The following IL17RD variants were observed in gnomAD, a reference collection of about 807,000 sequenced individuals.
IL17RD encodes interleukin 17 receptor D.
IL17RD carries 52 observed loss-of-function variants against 80.5 expected under a neutral mutation model. That is an observed-to-expected ratio of 0.65 (90% CI 0.52 to 0.81). The LOEUF is 0.81. IL17RD is among the 40% of genes least tolerant of loss of function. The pLI is 0.00. For missense variants in IL17RD, 1,024 were observed against 955.1 expected (o/e 1.07, Z -0.95); for synonymous variants, 416 against 391.8 (o/e 1.06, Z -0.73).
At chr3:57,154,215 C>T (rs2060251122) in intron 1 of IL17RD, among the ~76,000 whole-genome samples, 1 of 150,656 alleles carries the variant, frequency 6.6e-6, no homozygotes, top group African/African-American at 2.5e-5. Context: ...CATGACTGCA[C>T]TTCGGCCTGA....
At chr3:57,166,052 C>G (rs1028941406), upstream of IL17RD, among the ~76,000 whole-genome samples, 1 of 152,176 alleles carries the variant, frequency 6.6e-6, no homozygotes. Flanking sequence ...AAAAACAATA[C>G]TCTCAGCTAC....
chr3:57,127,211 AAT>A (rs1165463213), intron 1 of IL17RD, among the ~76,000 whole-genome samples: 3 of 111,048 alleles, frequency 2.7e-5, no homozygotes, highest in African/African-American at 4.5e-5. Flanking sequence ...TATATATAAA[AAT>A]ATATATAAAT....
chr3:57,165,454 C>T (rs1456583796), upstream of IL17RD: 26 of 403,278 alleles, frequency 6.4e-5, no homozygotes, highest in South Asian at 1.5e-3. Context: ...CGTGTGCTGG[C>T]CCCGCCCCCA....
intron 1 of IL17RD, among the ~76,000 whole-genome samples, chr3:57,160,712 T>C (rs2060298162): frequency 6.6e-6 from 1 of 152,238 alleles, no homozygotes; most frequent in Non-Finnish European, 1.5e-5. Flanking sequence ...TTTAAATGTT[T>C]AGAATGTGTG....
Position 57,165,261 on chromosome 3 carries a change from G to T in IL17RD, c.26C>A (p.Ser9Tyr). ...GCAGGCGTTGACCGTAAAGAAGACGGAGCAGAGCTGCAGCCACGGGGCCAT... is the reference window on the plus strand; with the variant it reads ...GCAGGCGTTGACCGTAAAGAAGACGTAGCAGAGCTGCAGCCACGGGGCCAT... MAPWLQLC[S>Y]VFFTVNACLN... Residue 9 changes from serine (S) to tyrosine (Y), a missense_variant, in exon 1 of 13, where the codon TCC becomes TAC. Physicochemically the swap from Ser to Tyr is moderately radical, Grantham distance 144. Transcript: ENST00000296318. 6.6e-7 allele frequency: 1 copy of T among 1,518,114 alleles called. No individual in the cohort carries two copies. The highest frequency in any genetic ancestry group is 1.2e-5 in the South Asian group (1 of 80,866). The allele number at this position is 1,518,114 out of a possible 1,614,324, so 94.0% of individuals were successfully genotyped here.
At chr3:57,101,105 G>A in intron 11 of IL17RD, 74 bp downstream of exon 11, 1 of 1,159,350 alleles carries the variant, frequency 8.6e-7, no homozygotes, top group South Asian at 1.4e-5. Context: ...CCAGAAGAGA[G>A]GAGAAGGCAG....
In IL17RD at chr3:57,105,878, G is replaced by C. The variant is rs538329630; in HGVS notation, c.726C>G (p.Phe242Leu). Residue 242 changes from phenylalanine (F) to leucine (L), a missense_variant, in exon 7 of 13, where the codon TTC (phenylalanine) becomes TTG (leucine). Transcript: ENST00000296318. ...LHYKLKHEGP[F>L]KRKTCKQEQT... ...TCACCTGCTTACAGGTCTTTCGCTT[G>C]AAAGGTCCTTCGTGCTTGAGCTTGT... is the stretch of plus-strand genomic sequence containing the variant. The C allele has an allele frequency of 1.4e-5, 22 of 1,613,854 alleles. No homozygotes were observed. In the African/African-American group the frequency reaches 2.7e-4, roughly 20 times the overall value.
rs749272736 is a variant in IL17RD at position 57,105,902 on chromosome 3, G to A, written c.702C>T (p.Tyr234=). 3.1e-6 allele frequency: 5 copies of A among 1,613,912 alleles called. No individual in the cohort carries two copies. The highest frequency in any genetic ancestry group is 3.4e-6 in the Non-Finnish European group (4 of 1,179,874). ...TGAAAGGTCCTTCGTGCTTGAGCTTGTAGTGAAGATAGAAGAAACGGAAGC... is the reference window on the plus strand; with the variant it reads ...TGAAAGGTCCTTCGTGCTTGAGCTTATAGTGAAGATAGAAGAAACGGAAGC... ...NFGFRFFYLH[Y]KLKHEGPFKR... Residue 234 remains tyrosine (Y), a synonymous_variant, in exon 7 of 13, where the codon TAC becomes TAT. Transcript: ENST00000296318.
At chr3:57,162,845 G>T (rs1467033965) in intron 1 of IL17RD, among the ~76,000 whole-genome samples, 1 of 152,182 alleles carries the variant, frequency 6.6e-6, no homozygotes, top group East Asian at 1.9e-4. Flanking sequence ...TACTGACAAA[G>T]CTGTCTGATG....
intron 1 of IL17RD, among the ~76,000 whole-genome samples, chr3:57,138,161 G>C (rs1707763619): frequency 6.6e-6 from 1 of 152,170 alleles, no homozygotes; most frequent in Admixed American, 6.5e-5. Flanking sequence ...AGGTGAAAAA[G>C]TTCTACAGGT....
Position 57,095,627 on chromosome 3 carries a change from C to G in IL17RD, c.*766G>C, listed in dbSNP as rs575131474. The G allele has an allele frequency of 6.6e-6, 1 of 152,348 alleles. No homozygotes were observed. Among genetic ancestry groups the G allele is most frequent in the East Asian group, 1.9e-4 (1 of 5,170 alleles). The allele number at this position is 152,348 out of a possible 1,614,324, so 9.4% of individuals were successfully genotyped here. On this transcript the variant is annotated 3_prime_UTR_variant, in exon 13 of 13. Transcript: ENST00000296318. ...CAGTAAATGTAACCCATGGAAACAGCAGGCAGATCTGGCCCCCACATGATG... is the reference window on the plus strand; with the variant it reads ...CAGTAAATGTAACCCATGGAAACAGGAGGCAGATCTGGCCCCCACATGATG...
At chr3:57,118,810 C>A (rs1417523770) in intron 2 of IL17RD, among the ~76,000 whole-genome samples, 1 of 152,150 alleles carries the variant, frequency 6.6e-6, no homozygotes, top group Admixed American at 6.5e-5. Context: ...AGCATTACCT[C>A]ATTTAAACCT....
intron 1 of IL17RD, among the ~76,000 whole-genome samples, chr3:57,124,584 G>C (rs1707410327): frequency 6.6e-6 from 1 of 152,072 alleles, no homozygotes; most frequent in Non-Finnish European, 1.5e-5. Context: ...AAAAGGCAAG[G>C]AATGAATCCT....
intron 1 of IL17RD, among the ~76,000 whole-genome samples, chr3:57,122,129 GGC>G (rs1311802544): frequency 6.6e-6 from 1 of 152,158 alleles, no homozygotes. Flanking sequence ...GAAAGAGCCT[GGC>G]ATAAGTAAGT....
At chr3:57,144,208 A>T (rs1707883222) in intron 1 of IL17RD, among the ~76,000 whole-genome samples, 1 of 152,062 alleles carries the variant, frequency 6.6e-6, no homozygotes, top group African/African-American at 2.4e-5. Context: ...ACCCCTGGAG[A>T]TAAGGTATTT....
chr3:57,140,333 C>G (rs1457079165), intron 1 of IL17RD, among the ~76,000 whole-genome samples: 1 of 152,056 alleles, frequency 6.6e-6, no homozygotes, highest in African/African-American at 2.4e-5. Context: ...TTTTTTTAAC[C>G]AGATACTCCT....
At chr3:57,101,153 A>C in intron 11 of IL17RD, 26 bp downstream of exon 11, 1 of 1,600,296 alleles carries the variant, frequency 6.2e-7, no homozygotes, top group Non-Finnish European at 8.6e-7. Flanking sequence ...TGGCCAGGGT[A>C]GGAGAAGGAA....
At chr3:57,109,277 T>C (rs1176997005) in intron 5 of IL17RD, among the ~76,000 whole-genome samples, 1 of 151,856 alleles carries the variant, frequency 6.6e-6, no homozygotes, top group Non-Finnish European at 1.5e-5. Flanking sequence ...GCCTCCCGAG[T>C]AGTGGGATTA....
At chr3:57,134,089 A>G in intron 1 of IL17RD, 1 of 482,366 alleles carries the variant, frequency 2.1e-6, no homozygotes, top group Non-Finnish European at 3.8e-6. Flanking sequence ...ACTGACTTTA[A>G]ACTAAGAATC....
Sources: gnomAD v4.1 joint callset for allele counts (sites outside exome capture counted in the v4.1 genomes callset) on GRCh38, gnomAD v4.1.1 for gene constraint, MANE v1.5 for transcripts, NCBI Gene and HGNC (gene_info 2026-07-23, HGNC 2026-07-21) for gene names.